CHN2: variants seen among roughly 807,000 people sequenced by gnomAD.
CHN2 encodes the protein beta-chimaerin.
Under a neutral mutation model 56.3 loss-of-function variants are expected in CHN2, and 35 were observed. The ratio of observed to expected loss-of-function variants is 0.62; its 90% CI spans 0.47 to 0.82. CHN2 has a LOEUF of 0.82. Ranked by LOEUF, CHN2 falls within the 40% of genes least tolerant of loss-of-function variation. The pLI is 0.00. For synonymous variants in CHN2, 210 were observed against 212.8 expected, an observed-to-expected ratio of 0.99 and a Z score of 0.12; for missense variants, 491 against 580.5, an observed-to-expected ratio of 0.85 and a Z score of 1.58.
intron 6 of CHN2, among the ~76,000 whole-genome samples, chr7:29,472,272 TAC>T (rs113034467): frequency 0.012 from 1,311 of 112,170 alleles, 19 homozygotes; most frequent in African/African-American, 0.029. Context: ...CAAAACAAAA[TAC>T]ACACACACAC....
At chr7:29,360,851 G>A (rs369341855) in intron 2 of CHN2, among the ~76,000 whole-genome samples, 90 of 152,304 alleles carry the variant, frequency 5.9e-4, no homozygotes, top group African/African-American at 1.7e-3. Flanking sequence ...CCCATTAGCC[G>A]TCTGATTCTG....
At chr7:29,387,617 T>C (rs1801018107) in intron 3 of CHN2, among the ~76,000 whole-genome samples, 1 of 152,242 alleles carries the variant, frequency 6.6e-6, no homozygotes, top group Non-Finnish European at 1.5e-5. Flanking sequence ...CCAATACTGC[T>C]GGCCCCGTGA....
intron 5 of CHN2, among the ~76,000 whole-genome samples, chr7:29,399,777 A>G (rs191303566): frequency 6.6e-6 from 1 of 152,208 alleles, no homozygotes; most frequent in Non-Finnish European, 1.5e-5. Flanking sequence ...AAATAATGTA[A>G]TTATGAGGAC....
chr7:29,195,629 AGT>A (rs70980513), intron 1 of CHN2, among the ~76,000 whole-genome samples: 5,405 of 117,176 alleles, frequency 0.046, 143 homozygotes, highest in East Asian at 0.15. Context: ...AGAGAGAGAG[AGT>A]GTGTGTGTGT....
chr7:29,357,299 C>T (rs1257124694), intron 2 of CHN2, among the ~76,000 whole-genome samples: 2 of 152,158 alleles, frequency 1.3e-5, no homozygotes, highest in African/African-American at 2.4e-5. Flanking sequence ...AGTGATGTAG[C>T]TCTCCAAAAG....
chr7:29,413,606 A>G (rs921510633), intron 6 of CHN2, among the ~76,000 whole-genome samples: 1 of 152,154 alleles, frequency 6.6e-6, no homozygotes, highest in African/African-American at 2.4e-5. Flanking sequence ...CCTTAACTTC[A>G]TTGTTCCTCC....
intron 1 of CHN2, among the ~76,000 whole-genome samples, chr7:29,314,417 T>G (rs1562911052): frequency 6.6e-6 from 1 of 152,210 alleles, no homozygotes; most frequent in Non-Finnish European, 1.5e-5. Context: ...TTAATTGGCC[T>G]TGTTGCAGTT....
chr7:29,297,327 C>A (rs984442973), intron 1 of CHN2, among the ~76,000 whole-genome samples: 1 of 152,150 alleles, frequency 6.6e-6, no homozygotes. Flanking sequence ...TCTCATTCTC[C>A]GCTCTGAAGA....
chr7:29,149,687 C>A (rs1793319979), intron 2 of CHN2, among the ~76,000 whole-genome samples: 1 of 152,196 alleles, frequency 6.6e-6, no homozygotes, highest in African/African-American at 2.4e-5. Flanking sequence ...CAGGTTCCCT[C>A]TGAAACCTGG....
chr7:29,326,129 ATTGT>A (rs71555797), intron 1 of CHN2, among the ~76,000 whole-genome samples: 68,034 of 151,150 alleles, frequency 0.45, 15,643 homozygotes, highest in South Asian at 0.55. Flanking sequence ...TAGAGAAATT[ATTGT>A]TTGTTTGTTT....
At chr7:29,157,037 C>T (rs544336002) in intron 2 of CHN2, among the ~76,000 whole-genome samples, 2 of 152,170 alleles carry the variant, frequency 1.3e-5, no homozygotes, top group Admixed American at 6.5e-5. Flanking sequence ...GAAGTAATCT[C>T]GTCTGTGGAA....
At chr7:29,507,134 C>A in intron 10 of CHN2, 94 bp from the exon 11 acceptor site, 1 of 1,122,154 alleles carries the variant, frequency 8.9e-7, no homozygotes, top group Non-Finnish European at 1.3e-6. Context: ...TGTCAGGGAG[C>A]ATTCATCGCT....
At chr7:29,165,933 A>C (rs904817998) in intron 2 of CHN2, among the ~76,000 whole-genome samples, 2 of 152,202 alleles carry the variant, frequency 1.3e-5, no homozygotes, top group Non-Finnish European at 2.9e-5. Flanking sequence ...CACTATGTTC[A>C]CAGGGGACAT....
At chr7:29,273,639 T>A (rs9987041) in intron 1 of CHN2, among the ~76,000 whole-genome samples, 1 of 151,324 alleles carries the variant, frequency 6.6e-6, no homozygotes, top group Admixed American at 6.6e-5. Context: ...CCCCCCAACA[T>A]TATACTAGGT....
intron 2 of CHN2, among the ~76,000 whole-genome samples, chr7:29,178,295 G>T (rs1292348917): frequency 1.3e-5 from 2 of 152,116 alleles, no homozygotes; most frequent in East Asian, 3.9e-4. Flanking sequence ...GCTTCCCATT[G>T]TGTCTAGAAA....
In CHN2 at chr7:29,194,884, A is replaced by AGCGGCG; in HGVS notation, c.-51_-46dup. 2 of 1,387,600 alleles carry AGCGGCG rather than the reference A, an allele frequency of 1.4e-6. No individual in the cohort carries two copies. The highest frequency in any genetic ancestry group is 3.4e-5 in the Admixed American group (1 of 29,262). 86.0% of individuals were successfully genotyped at this position (1,387,600 alleles called of 1,614,324 possible). ...AGGCTGCGAGCGGCCGGGCGAGGGC[A>AGCGGCG]GCGGCGGCGGCGTCCGCACCGGGGC... On this transcript the variant is annotated 5_prime_UTR_variant, in exon 1 of 13. Transcript: ENST00000222792.
At chr7:29,431,281 G>C (rs368115164) in intron 6 of CHN2, among the ~76,000 whole-genome samples, 1 of 152,264 alleles carries the variant, frequency 6.6e-6, no homozygotes. Flanking sequence ...GGCTTATTTT[G>C]ACAATCAGAA....
chr7:29,358,939 T>C (rs979119670), intron 2 of CHN2, among the ~76,000 whole-genome samples: 1 of 152,222 alleles, frequency 6.6e-6, no homozygotes, highest in East Asian at 1.9e-4. Flanking sequence ...TTTCTTCTTT[T>C]CTTGGCTCCG....
intron 6 of CHN2, among the ~76,000 whole-genome samples, chr7:29,455,195 T>G (rs1187298853): frequency 6.6e-6 from 1 of 152,158 alleles, no homozygotes; most frequent in African/African-American, 2.4e-5. Flanking sequence ...CCACTAAAAA[T>G]GTACTATGGG....
Sources: allele counts gnomAD v4.1 joint callset (sites outside exome capture counted in the v4.1 genomes callset), GRCh38; gene constraint gnomAD v4.1.1; transcripts MANE v1.5; gene names NCBI Gene and HGNC (gene_info 2026-07-23, HGNC 2026-07-21).